ISY1: variants seen among roughly 807,000 people sequenced by gnomAD.
The protein encoded by ISY1 is ISY1 spliceosome associated protein.
A neutral mutation model predicts 54.4 loss-of-function variants in ISY1; 12 were observed. The ratio of observed to expected loss-of-function variants is 0.22; its 90% CI spans 0.14 to 0.36. The LOEUF is 0.36. Among genes scored for constraint, ISY1 ranks in the 10% least tolerant of loss-of-function variants. ISY1 has a pLI of 1.00. For missense variants in ISY1, 282 were observed against 342.2 expected (o/e 0.82, Z 1.39); for synonymous variants, 96 against 117.9 (o/e 0.81, Z 1.20).
intron 7 of ISY1, among the ~76,000 whole-genome samples, chr3:129,135,812 T>C (rs1393929643): frequency 1.3e-5 from 2 of 151,428 alleles, no homozygotes; most frequent in Non-Finnish European, 2.9e-5. Context: ...AAAAGCTTCA[T>C]GTACAGAAAT....
intron 2 of ISY1, 97 bp from the exon 3 acceptor site, chr3:129,158,656 C>T: frequency 6.8e-7 from 1 of 1,474,180 alleles, no homozygotes; most frequent in South Asian, 1.2e-5. Context: ...TGCTTATGAC[C>T]ATATTTAATG....
intron 10 of ISY1, 111 bp from the exon 11 acceptor site, chr3:129,130,299 A>AAATACGC (rs1396307467): frequency 7.2e-7 from 1 of 1,396,316 alleles, no homozygotes; most frequent in Non-Finnish European, 9.5e-7. Context: ...AGTCTGATTT[A>AAATACGC]AATACGCAGA....
intron 1 of ISY1, 53 bp from the exon 2 acceptor site, chr3:129,159,229 T>C (rs1475361404): frequency 1.3e-6 from 2 of 1,581,794 alleles, no homozygotes; most frequent in Non-Finnish European, 1.7e-6. Flanking sequence ...TATATTTTTT[T>C]CTTGCCCTTT....
At chr3:129,137,802 C>A (rs1936465416) in intron 7 of ISY1, among the ~76,000 whole-genome samples, 1 of 147,672 alleles carries the variant, frequency 6.8e-6, no homozygotes, top group Non-Finnish European at 1.5e-5. Flanking sequence ...GTCCCAGCTA[C>A]TCGGGAGGCT....
At chr3:129,130,754 A>G (rs767700501) in intron 9 of ISY1, 118 bp from the exon 10 acceptor site, 5 of 1,111,876 alleles carry the variant, frequency 4.5e-6, no homozygotes, top group Non-Finnish European at 5.0e-6. Flanking sequence ...AGAAAGTTCT[A>G]TACTTATAGA....
At chr3:129,150,380 T>C (rs1221400519) in intron 5 of ISY1, among the ~76,000 whole-genome samples, 1 of 152,174 alleles carries the variant, frequency 6.6e-6, no homozygotes, top group Non-Finnish European at 1.5e-5. Context: ...GCATCCTAGT[T>C]TTCAGCATAC....
At position 129,134,107 on chromosome 3, in the gene ISY1, TTCCTCCTCTTCC is replaced by T. The variant is rs1221558817; in HGVS notation, c.618_629del (p.Glu208_Glu211del). ...CGGTGACTGCATAGATGTTGATCTCTTCCTCCTCTTCCTCCTCCTCTTCCTTTTCTCCTCTTG... is the reference window on the plus strand; with the variant it reads ...CGGTGACTGCATAGATGTTGATCTCTTCCTCCTCTTCCTTTTCTCCTCTTG... On this transcript the variant is annotated inframe_deletion, in exon 9 of 11. Transcript: ENST00000393295. 3.7e-6 allele frequency: 6 copies of T among 1,614,096 alleles called. No homozygotes were observed. The highest frequency in any genetic ancestry group is 1.7e-5 in the Admixed American group (1 of 60,024).
At position 129,156,884 on chromosome 3, in the gene ISY1, G is replaced by T; in HGVS notation, c.115C>A (p.Leu39Met). Residue 39 changes from leucine to methionine, a missense_variant, in exon 4 of 11, where the codon CTG (leucine) becomes ATG (methionine). Leu to Met is a conservative substitution (Grantham distance 15). Transcript: ENST00000393295. ...CGTCTCCACTTCTCAGCTTTAGGCA[G>T]TTCAGTACATTCTGAGGCCAGAAAG... ...RPFLASECTE[L>M]PKAEKWRRQI... 6.2e-7 allele frequency: 1 copy of T among 1,614,070 alleles called. No homozygotes were observed. The highest frequency in any genetic ancestry group is 8.5e-7 in the Non-Finnish European group (1 of 1,179,978).
chr3:129,145,993 A>T (rs558391039), intron 5 of ISY1, 120 bp from the exon 6 acceptor site: 1 of 872,768 alleles, frequency 1.1e-6, no homozygotes, highest in South Asian at 1.9e-5. Context: ...TATACTACAT[A>T]AAAACACTCA....
intron 8 of ISY1, 133 bp downstream of exon 8, chr3:129,134,699 C>A: frequency 2.4e-6 from 3 of 1,262,026 alleles, no homozygotes; most frequent in Non-Finnish European, 3.2e-6. Flanking sequence ...ATTAGCAGAC[C>A]ATCACGCCTG....
At chr3:129,143,025 A>G (rs1450409418) in intron 6 of ISY1, among the ~76,000 whole-genome samples, 1 of 152,182 alleles carries the variant, frequency 6.6e-6, no homozygotes, top group Admixed American at 6.5e-5. Flanking sequence ...CCTGCACTCC[A>G]GCCTGGGTGA....
rs375356410 is a variant in ISY1, at chr3:129,156,798, T to G, written c.144+57A>C. On this transcript the variant is annotated intron_variant, in intron 4 of 10. Coordinates refer to ENST00000393295, the MANE Select transcript of ISY1 (RefSeq NM_020701.4). ...TTTGGTCTAACAGTCATTTAGATAATAAGAAGAAATGAGAGACTTGTTACT... is the reference window on the plus strand; with the variant it reads ...TTTGGTCTAACAGTCATTTAGATAAGAAGAAGAAATGAGAGACTTGTTACT... 712 of 1,587,448 alleles carry G rather than the reference T, an allele frequency of 4.5e-4. 3 individuals are homozygous for G. Among genetic ancestry groups the G allele is most frequent in the East Asian group, 3.2e-3 (144 of 44,642 alleles).
intron 2 of ISY1, among the ~76,000 whole-genome samples, 177 bp downstream of exon 2, chr3:129,158,977 G>A (rs1231644862): frequency 6.6e-6 from 1 of 152,068 alleles, no homozygotes; most frequent in Admixed American, 6.5e-5. Flanking sequence ...ACACATAAAT[G>A]GAGAAAACAA....
intron 5 of ISY1, among the ~76,000 whole-genome samples, 196 bp downstream of exon 5, chr3:129,156,437 G>A (rs1321838585): frequency 1.3e-5 from 2 of 151,000 alleles, no homozygotes; most frequent in Non-Finnish European, 2.9e-5. Flanking sequence ...TTTATTGTTA[G>A]GTACAGTGTT....
chr3:129,130,405 C>G (rs1936203697), intron 10 of ISY1, 145 bp downstream of exon 10: 2 of 1,202,106 alleles, frequency 1.7e-6, no homozygotes, highest in Non-Finnish European at 2.3e-6. Context: ...ACCCCACACC[C>G]TGAACACAAT....
chr3:129,139,647 CTT>C (rs1444592822), intron 7 of ISY1, among the ~76,000 whole-genome samples: 2 of 145,544 alleles, frequency 1.4e-5, no homozygotes, highest in South Asian at 2.2e-4. Context: ...CACTTTTCTC[CTT>C]TTTTTTTTTT....
rs763472848 is a variant in ISY1, at chr3:129,130,505, T to G, written c.750+45A>C. 2.4e-5 allele frequency: 39 copies of G among 1,608,352 alleles called. No individual in the cohort carries two copies. The Admixed American group carries it at 4.7e-4, about 20-fold the overall frequency. The stretch of plus-strand genomic sequence containing the variant: ...CTACAGTGCTCTGTGAAGTCTGCTT[T>G]AGAGAAGCCCCCGGCGCCCAGGCAG... On this transcript the variant is annotated intron_variant, in intron 10 of 10. Transcript: ENST00000393295.
chr3:129,149,226 G>A (rs1399869176), intron 5 of ISY1, among the ~76,000 whole-genome samples: 5 of 150,322 alleles, frequency 3.3e-5, no homozygotes, highest in African/African-American at 1.2e-4. Flanking sequence ...GAGGTTGGGA[G>A]TTCGAGACCA....
Position 129,140,434 on chromosome 3 carries a change from G to C in ISY1, c.352C>G (p.Arg118Gly). ...GCTGCTCCAAAGTACTTGTAACCTC[G>C]GTTTCCTGGGACTTCTTTTCCTTCA... Reference protein sequence around the residue: ...DHEGKEVPGNRGYKYFGAAKD... With the variant: ...DHEGKEVPGNGGYKYFGAAKD... Residue 118 changes from arginine (R) to glycine (G), a missense_variant, in exon 7 of 11, where the codon CGA becomes GGA. Around this residue, in one of 2 missense-constraint regions of ISY1, gnomAD observed 279 missense variants for 323.6 expected, o/e 0.86. Transcript: ENST00000393295. 2.5e-6 allele frequency: 4 copies of C among 1,613,204 alleles called. No individual in the cohort carries two copies. Among genetic ancestry groups the C allele is most frequent in the Non-Finnish European group, 3.4e-6 (4 of 1,179,818 alleles).
Sources: gnomAD v4.1 joint callset for allele counts (sites outside exome capture counted in the v4.1 genomes callset) on GRCh38, gnomAD v4.1.1 for gene constraint, gnomAD v4.1.1 regional missense constraint, MANE v1.5 for transcripts, NCBI Gene and HGNC (gene_info 2026-07-23, HGNC 2026-07-21) for gene names.